MBNL1: variants seen among roughly 807,000 people sequenced by gnomAD.
MBNL1 encodes muscleblind-like protein 1.
A neutral mutation model predicts 42.2 loss-of-function variants in MBNL1; 8 were observed. That is an observed-to-expected ratio of 0.19 (90% CI 0.11 to 0.34). The LOEUF (loss-of-function observed/expected upper bound fraction) is 0.34, where lower values mean the gene tolerates loss of function less well. Among genes scored for constraint, MBNL1 ranks in the 10% least tolerant of loss-of-function variants. The pLI is 1.00. For synonymous variants in MBNL1, 169 were observed against 173.9 expected (o/e 0.97, Z 0.22); for missense variants, 309 against 495.3 (o/e 0.62, Z 3.57).
chr3:152,351,995 A>G (rs937675321), intron 2 of MBNL1, among the ~76,000 whole-genome samples: 1 of 152,122 alleles, frequency 6.6e-6, no homozygotes, highest in Non-Finnish European at 1.5e-5. Context: ...TCGATAATCT[A>G]TTTTTCAAAG....
At chr3:152,455,485 G>A (rs1236520765) in intron 6 of MBNL1, 57 bp from the exon 7 acceptor site, 2 of 1,426,712 alleles carry the variant, frequency 1.4e-6, no homozygotes, top group Non-Finnish European at 2.0e-6. Context: ...GTGATGGGAT[G>A]TTTTAATTCT....
intron 2 of MBNL1, among the ~76,000 whole-genome samples, chr3:152,367,055 T>C (rs2096417071): frequency 6.6e-6 from 1 of 152,164 alleles, no homozygotes; most frequent in African/African-American, 2.4e-5. Context: ...TTTAAAATTA[T>C]ATTTTAAGTT....
rs200929733 is a variant in MBNL1 at position 152,340,807 on chromosome 3, A to G, written c.174+40440A>G. On this transcript the variant is annotated intron_variant, in intron 2 of 9. Coordinates refer to ENST00000324210, the MANE Select transcript of MBNL1 (RefSeq NM_021038.5). ...AGCAGAAGGGGACTGGACAGAACCTACTTTTGCATAACCACTGATCCCACC... is the reference window on the plus strand; with the variant it reads ...AGCAGAAGGGGACTGGACAGAACCTGCTTTTGCATAACCACTGATCCCACC... 15 of 1,614,034 alleles carry G rather than the reference A, an allele frequency of 9.3e-6. No individual in the cohort carries two copies. In the African/African-American group the frequency reaches 1.9e-4, roughly 20 times the overall value.
At chr3:152,376,230 A>G (rs2153345130) in intron 2 of MBNL1, among the ~76,000 whole-genome samples, 1 of 152,330 alleles carries the variant, frequency 6.6e-6, no homozygotes, top group East Asian at 1.9e-4. Flanking sequence ...TATGATAGAA[A>G]TATTTAAAAT....
chr3:152,376,227 G>A (rs767062683), intron 2 of MBNL1, among the ~76,000 whole-genome samples: 16 of 152,120 alleles, frequency 1.1e-4, no homozygotes, highest in Non-Finnish European at 2.1e-4. Context: ...ATTTATGATA[G>A]AAATATTTAA....
chr3:152,404,800 A>T (rs2098381401), intron 2 of MBNL1, among the ~76,000 whole-genome samples: 1 of 149,996 alleles, frequency 6.7e-6, no homozygotes, highest in South Asian at 2.1e-4. Flanking sequence ...TATATAATTA[A>T]TTTTTCATTA....
intron 4 of MBNL1, among the ~76,000 whole-genome samples, chr3:152,437,114 A>G (rs2099088842): frequency 6.6e-6 from 1 of 152,136 alleles, no homozygotes; most frequent in Non-Finnish European, 1.5e-5. Context: ...TAATTGACCA[A>G]ATGTTTGGTC....
At chr3:152,375,563 A>T (rs901564115) in intron 2 of MBNL1, among the ~76,000 whole-genome samples, 4 of 152,248 alleles carry the variant, frequency 2.6e-5, no homozygotes, top group Admixed American at 6.5e-5. Context: ...AGCCTGAGCA[A>T]CATAGTGATT....
intron 3 of MBNL1, among the ~76,000 whole-genome samples, chr3:152,427,154 A>C (rs1432336317): frequency 2.0e-5 from 3 of 152,126 alleles, no homozygotes; most frequent in Non-Finnish European, 4.4e-5. Context: ...GAGCCTGTGA[A>C]TCCTCAAACA....
At chr3:152,411,115 A>G (rs1278363513) in intron 2 of MBNL1, among the ~76,000 whole-genome samples, 1 of 152,234 alleles carries the variant, frequency 6.6e-6, no homozygotes, top group Non-Finnish European at 1.5e-5. Context: ...AGAGAATTTC[A>G]CTAACTTCCA....
chr3:152,340,482 C>T, intron 2 of MBNL1: 1 of 1,525,086 alleles, frequency 6.6e-7, no homozygotes, highest in African/African-American at 1.4e-5. Context: ...AATTTATAGA[C>T]TTATTTCTCA....
At chr3:152,338,661 A>T (rs895408276) in intron 2 of MBNL1, 13 of 985,254 alleles carry the variant, frequency 1.3e-5, no homozygotes, top group Non-Finnish European at 1.6e-5. Context: ...ACCTCTCCAG[A>T]AGATATGTAA....
intron 2 of MBNL1, among the ~76,000 whole-genome samples, chr3:152,383,142 C>A (rs1264417359): frequency 6.6e-6 from 1 of 152,074 alleles, no homozygotes; most frequent in African/African-American, 2.4e-5. Flanking sequence ...CGAATACTTA[C>A]AGAGAATGGT....
chr3:152,398,001 A>T (rs536239629), intron 2 of MBNL1, among the ~76,000 whole-genome samples: 2 of 152,280 alleles, frequency 1.3e-5, no homozygotes, highest in Non-Finnish European at 2.9e-5. Context: ...ATTCATTTAT[A>T]TTTTTTCACA....
intron 2 of MBNL1, among the ~76,000 whole-genome samples, chr3:152,341,390 GT>G (rs1235680870): frequency 6.6e-6 from 1 of 152,176 alleles, no homozygotes; most frequent in Non-Finnish European, 1.5e-5. Flanking sequence ...TTAAAAAATA[GT>G]TTAAGTACTT....
chr3:152,337,748 T>C (rs575774219), intron 2 of MBNL1, among the ~76,000 whole-genome samples: 73 of 152,214 alleles, frequency 4.8e-4, no homozygotes, highest in Non-Finnish European at 8.4e-4. Context: ...ACTGCTTATC[T>C]ACTTGCTTCT....
At chr3:152,388,669 C>A (rs578173971) in intron 2 of MBNL1, among the ~76,000 whole-genome samples, 1 of 152,290 alleles carries the variant, frequency 6.6e-6, no homozygotes, top group Non-Finnish European at 1.5e-5. Flanking sequence ...TAGAAAGGGG[C>A]ATAGAATTCC....
intron 2 of MBNL1, among the ~76,000 whole-genome samples, chr3:152,396,768 G>A (rs2097963815): frequency 1.3e-5 from 2 of 152,066 alleles, no homozygotes; most frequent in Non-Finnish European, 2.9e-5. Context: ...AGATAACAGA[G>A]ATAAATTAAG....
At chr3:152,305,038 C>T (rs748769741) in intron 2 of MBNL1, among the ~76,000 whole-genome samples, 1 of 152,138 alleles carries the variant, frequency 6.6e-6, no homozygotes, top group Non-Finnish European at 1.5e-5. Context: ...TGAAATCTTG[C>T]TTCACTGTGT....
Sources: gnomAD v4.1 joint callset for allele counts (sites outside exome capture counted in the v4.1 genomes callset) on GRCh38, gnomAD v4.1.1 for gene constraint, MANE v1.5 for transcripts, NCBI Gene and HGNC (gene_info 2026-07-23, HGNC 2026-07-21) for gene names.